MEGF8: variants seen among roughly 807,000 people sequenced by gnomAD.
MEGF8 encodes the protein multiple epidermal growth factor-like domains protein 8.
In MEGF8, 156 loss-of-function variants were observed where a neutral mutation model predicts 302.9. The observed-to-expected ratio is 0.52, with a 90% CI of 0.45 to 0.59. The LOEUF is 0.59. Ranked by LOEUF, MEGF8 falls within the 20% of genes least tolerant of loss-of-function variation. MEGF8 has a pLI of 0.00. For missense variants in MEGF8, 3,345 were observed against 3,964.5 expected, an observed-to-expected ratio of 0.84 and a Z score of 4.20; for synonymous variants, 1,621 against 1,660.5, an observed-to-expected ratio of 0.98 and a Z score of 0.58.
intron 41 of MEGF8, among the ~76,000 whole-genome samples, chr19:42,374,061 G>A (rs941377599): frequency 1.3e-5 from 2 of 152,098 alleles, no homozygotes; most frequent in South Asian, 2.1e-4. Context: ...TGCCAGGAGC[G>A]CCTGCCACAG....
rs751480716 is a variant in MEGF8 at position 42,350,138 on chromosome 19, C to T, written c.2500-10C>T. 12 of 1,600,658 alleles carry T rather than the reference C, an allele frequency of 7.5e-6. No individual in the cohort carries two copies. Among genetic ancestry groups the T allele is most frequent in the Admixed American group, 5.0e-5 (3 of 59,586 alleles). Reference sequence around the variant, plus strand: ...CCTTGACTGCTGCCTTCCTGTGACCCCTTCCCCAGGAGATCTCCTTCTTCT... The same window carrying T: ...CCTTGACTGCTGCCTTCCTGTGACCTCTTCCCCAGGAGATCTCCTTCTTCT... On this transcript the variant is annotated splice_polypyrimidine_tract_variant and intron_variant, in intron 14 of 41. Transcript: ENST00000251268.
chr19:42,343,217 AT>A (rs2039239266), intron 8 of MEGF8, among the ~76,000 whole-genome samples: 1 of 152,286 alleles, frequency 6.6e-6, no homozygotes, highest in African/African-American at 2.4e-5. Context: ...TTGATCCACG[AT>A]TTGAACCCAA....
At chr19:42,341,810 A>T (rs1006330830) in intron 8 of MEGF8, among the ~76,000 whole-genome samples, 3 of 152,030 alleles carry the variant, frequency 2.0e-5, no homozygotes, top group Non-Finnish European at 1.5e-5. Flanking sequence ...CAGGGAGGAG[A>T]TATGGAGAAA....
At chr19:42,372,084 C>A (rs981965850) in intron 41 of MEGF8, among the ~76,000 whole-genome samples, 51 of 151,730 alleles carry the variant, frequency 3.4e-4, no homozygotes, top group Admixed American at 7.2e-4. Flanking sequence ...AACACACACA[C>A]ACACACACAC....
Position 42,362,145 on chromosome 19 carries a change from C to T in MEGF8, c.5776C>T (p.Arg1926Ter). Residue 1926 changes from arginine (R) to a stop codon, truncating the protein, a stop_gained, in exon 33 of 42, where the codon CGA becomes TGA. Coordinates refer to ENST00000251268, the MANE Select transcript of MEGF8 (RefSeq NM_001271938.2). LOFTEE classifies it high-confidence loss of function. Reference sequence around the variant, plus strand: ...AATGCCTCGCTCCCCGGAGGAATGTCGACGTCTCCGGACCTGCAGTGAGTG... The same window carrying T: ...AATGCCTCGCTCCCCGGAGGAATGTTGACGTCTCCGGACCTGCAGTGAGTG... ...SPMPRSPEEC[R>*]RLRTCSECLA... 4 of 1,611,774 alleles carry T rather than the reference C, an allele frequency of 2.5e-6. No homozygotes were observed. The highest frequency in any genetic ancestry group is 1.3e-5 in the African/African-American group (1 of 74,954).
Position 42,335,033 on chromosome 19 carries a change from A to G in MEGF8, c.559-2A>G, listed in dbSNP as rs1341023761. ...TCTGCCTTTATGTCTCCTTTCCCGC[A>G]GCCCCTGGGACCATGCCGCTGTGAG... On this transcript the variant is annotated splice_acceptor_variant, in intron 3 of 41. Coordinates refer to ENST00000251268, the MANE Select transcript of MEGF8 (RefSeq NM_001271938.2). LOFTEE classifies it high-confidence loss of function. 1 of 1,601,316 alleles carries G rather than the reference A, an allele frequency of 6.2e-7. No homozygotes were observed. Among genetic ancestry groups the G allele is most frequent in the Non-Finnish European group, 8.5e-7 (1 of 1,174,158 alleles).
In MEGF8 at chr19:42,358,446, C is replaced by A; in HGVS notation, c.5175+139C>A. The A allele has an allele frequency of 8.9e-7, 1 of 1,125,516 alleles. No homozygotes were observed. Among genetic ancestry groups the A allele is most frequent in the Non-Finnish European group, 1.2e-6 (1 of 818,362 alleles). 69.7% of individuals were successfully genotyped at this position (1,125,516 alleles called of 1,614,324 possible). A position where few individuals can be genotyped will look rare whatever the true frequency, so the allele number is the denominator to read the frequency against. On this transcript the variant is annotated intron_variant, in intron 29 of 41. Transcript: ENST00000251268. This position sits in a 1 kb window ranked among gnomAD's most constrained non-coding sequence, Gnocchi z 4.4. The stretch of plus-strand genomic sequence containing the variant: ...GTTCCCTAACTAAGCGACACCCCCA[C>A]ATCTCCCCCGCTTCCATCCCTGATT...
At chr19:42,348,641 C>T (rs762982093) in intron 13 of MEGF8, among the ~76,000 whole-genome samples, 169 bp downstream of exon 13, 1 of 152,154 alleles carries the variant, frequency 6.6e-6, no homozygotes, top group Non-Finnish European at 1.5e-5. Context: ...ACTCTGTTGT[C>T]CAGGCTGGAG....
chr19:42,344,365 T>C lies in MEGF8; in HGVS notation c.1789-76T>C, dbSNP rs1212625647. On this transcript the variant is annotated intron_variant, in intron 10 of 41. Coordinates refer to ENST00000251268, the MANE Select transcript of MEGF8 (RefSeq NM_001271938.2). The surrounding 1 kb of genome is among the most constrained non-coding windows in gnomAD (Gnocchi z 4.5). The stretch of plus-strand genomic sequence containing the variant: ...TTTCGCCCTTTCCATCGCAGGACCC[T>C]GTATCCACAGCCCTTCCTTCCCAGA... 4 of 1,501,274 alleles carry C rather than the reference T, an allele frequency of 2.7e-6. No homozygotes were observed. Among genetic ancestry groups the C allele is most frequent in the African/African-American group, 1.4e-5 (1 of 71,512 alleles). 93.0% of individuals were successfully genotyped at this position (1,501,274 alleles called of 1,614,324 possible).
intron 1 of MEGF8, among the ~76,000 whole-genome samples, chr19:42,328,467 G>C (rs1366101762): frequency 6.6e-6 from 1 of 152,038 alleles, no homozygotes. Flanking sequence ...GCTGCTGTGT[G>C]GGGTATGGAT....
intron 38 of MEGF8, 38 bp from the exon 39 acceptor site, chr19:42,370,149 ACT>A: frequency 6.4e-7 from 1 of 1,568,566 alleles, no homozygotes; most frequent in South Asian, 1.2e-5. Context: ...ACCCCTGATG[ACT>A]CTCCAGCCTC....
At chr19:42,371,287 G>A in intron 40 of MEGF8, 63 bp from the exon 41 acceptor site, 1 of 1,585,908 alleles carries the variant, frequency 6.3e-7, no homozygotes, top group South Asian at 1.1e-5. Context: ...GCTCACATAT[G>A]GGGTGTCCAT....
At position 42,335,074 on chromosome 19, in the gene MEGF8, C is replaced by A; in HGVS notation, c.598C>A (p.Arg200Ser). ...CCGCTGTGAGCCTGGCTTCTTGGGA[C>A]GTGCCTGTGACCTGCACCTGTGGGA... is the stretch of plus-strand genomic sequence containing the variant. ...PCRCEPGFLGRACDLHLWENQ... is the reference protein window; with the variant it reads ...PCRCEPGFLGSACDLHLWENQ... The change falls in exon 4 of 42, where the codon CGT (arginine) becomes AGT (serine). Residue 200 changes from arginine (R) to serine (S), a missense_variant. Arg to Ser is a moderately radical substitution (Grantham distance 110). Transcript: ENST00000251268. 6.2e-7 allele frequency: 1 copy of A among 1,613,786 alleles called. No homozygotes were observed. Among genetic ancestry groups the A allele is most frequent in the Non-Finnish European group, 8.5e-7 (1 of 1,179,820 alleles).
chr19:42,334,579 A>C (rs2147447828), intron 3 of MEGF8, among the ~76,000 whole-genome samples: 1 of 152,130 alleles, frequency 6.6e-6, no homozygotes, highest in East Asian at 1.9e-4. Flanking sequence ...CCTTACGCCG[A>C]AGCTGTGTAC....
Position 42,375,462 on chromosome 19 carries a change from A to G in MEGF8, c.7270-45A>G. 2.7e-6 allele frequency: 4 copies of G among 1,501,696 alleles called. No individual in the cohort carries two copies. Among genetic ancestry groups the G allele is most frequent in the Non-Finnish European group, 1.8e-6 (2 of 1,119,976 alleles). 93.0% of individuals were successfully genotyped at this position (1,501,696 alleles called of 1,614,324 possible). A position where few individuals can be genotyped will look rare whatever the true frequency, so the allele number is the denominator to read the frequency against. On this transcript the variant is annotated intron_variant, in intron 41 of 41. Coordinates refer to ENST00000251268, the MANE Select transcript of MEGF8 (RefSeq NM_001271938.2). This position sits in a 1 kb window ranked among gnomAD's most constrained non-coding sequence, Gnocchi z 7.1. Reference sequence around the variant, plus strand: ...ACTGCTGCTTGGGGGACAGGCTGGCACCGCACTCAGCCCTGATGGTCACCG... The same window carrying G: ...ACTGCTGCTTGGGGGACAGGCTGGCGCCGCACTCAGCCCTGATGGTCACCG...
rs548257704 is a variant in MEGF8 at position 42,363,888 on chromosome 19, C to G, written c.6273+626C>G. ...GGGTTTCTGTCGGTCTGATAGTCAA[C>G]ACACATGGCCTCAGATTGCAGCCTT... On this transcript the variant is annotated intron_variant, in intron 35 of 41. Coordinates refer to ENST00000251268, the MANE Select transcript of MEGF8 (RefSeq NM_001271938.2). Among the ~76,000 whole-genome samples, 19 of 152,330 alleles carry G rather than the reference C, an allele frequency of 1.2e-4. No individual in the cohort carries two copies. The South Asian group carries it at 3.3e-3, about 27-fold the overall frequency.
chr19:42,341,852 T>G (rs1170814744), intron 8 of MEGF8, among the ~76,000 whole-genome samples: 1 of 152,192 alleles, frequency 6.6e-6, no homozygotes, highest in East Asian at 1.9e-4. Context: ...GACACTGCTT[T>G]GAAATCGGAT....
chr19:42,352,806 T>A lies in MEGF8; in HGVS notation c.3351-122T>A. ...TACCTTGGAGACAGGGTCACCCACA[T>A]AGCCCAAAACCATGGAAACAGCCAG... On this transcript the variant is annotated intron_variant, in intron 19 of 41. Transcript: ENST00000251268. The surrounding 1 kb of genome is among the most constrained non-coding windows in gnomAD (Gnocchi z 4.4). The A allele has an allele frequency of 1.3e-6, 1 of 771,716 alleles. No homozygotes were observed. Among genetic ancestry groups the A allele is most frequent in the Non-Finnish European group, 2.1e-6 (1 of 474,536 alleles). The allele number at this position is 771,716 out of a possible 1,614,324, so 47.8% of individuals were successfully genotyped here.
At chr19:42,365,363 G>A (rs947448602) in intron 35 of MEGF8, among the ~76,000 whole-genome samples, 3 of 152,012 alleles carry the variant, frequency 2.0e-5, no homozygotes, top group South Asian at 2.1e-4. Context: ...TGGGGCCAGT[G>A]AATTGGAGAG....
Sources: allele counts gnomAD v4.1 joint callset (sites outside exome capture counted in the v4.1 genomes callset), GRCh38; gene constraint gnomAD v4.1.1; non-coding constraint Gnocchi (gnomAD v3.1); transcripts MANE v1.5; gene names NCBI Gene and HGNC (gene_info 2026-07-23, HGNC 2026-07-21).